EPC2: variants seen among roughly 807,000 people sequenced by gnomAD.
EPC2 encodes the protein enhancer of polycomb homolog 2.
Under a neutral mutation model 92.1 loss-of-function variants are expected in EPC2, and 14 were observed. The observed-to-expected ratio is 0.15, with a 90% CI of 0.10 to 0.24. EPC2 has a LOEUF of 0.24. EPC2 is among the 10% of genes least tolerant of loss of function. The pLI, the probability that EPC2 is intolerant of heterozygous loss-of-function variation, is 1.00. For missense variants in EPC2, 755 were observed against 971.5 expected (o/e 0.78, Z 2.96); for synonymous variants, 340 against 334.7 (o/e 1.02, Z -0.17).
intron 2 of EPC2, among the ~76,000 whole-genome samples, chr2:148,734,540 T>C (rs1303009376): frequency 6.6e-6 from 1 of 152,166 alleles, no homozygotes; most frequent in African/African-American, 2.4e-5. Flanking sequence ...AATTAGAGGA[T>C]AGTCTTGATC....
At chr2:148,701,615 G>C (rs1485701602) in intron 2 of EPC2, among the ~76,000 whole-genome samples, 1 of 152,008 alleles carries the variant, frequency 6.6e-6, no homozygotes, top group Non-Finnish European at 1.5e-5. Context: ...TTATATGTTG[G>C]ATTCAGCTTG....
Position 148,644,794 on chromosome 2 carries a change from G to A in EPC2, c.-224G>A, listed in dbSNP as rs1241180287. Reference sequence around the variant, plus strand: ...GGCCATGGCGCAGGGAGCGGATCGGGCGGGCGAGCGGCGGATCTAGTGTGT... The same window carrying A: ...GGCCATGGCGCAGGGAGCGGATCGGACGGGCGAGCGGCGGATCTAGTGTGT... On this transcript the variant is annotated 5_prime_UTR_variant, in exon 1 of 14. Coordinates refer to ENST00000258484, the MANE Select transcript of EPC2 (RefSeq NM_015630.4). Among the ~76,000 whole-genome samples the A allele has an allele frequency of 2.6e-5, 4 of 151,130 alleles. No homozygotes were observed. The highest frequency in any genetic ancestry group is 5.9e-5 in the Non-Finnish European group (4 of 67,694).
rs1350562490 is a variant in EPC2, at chr2:148,762,766, T to C, written c.912T>C (p.Asn304=). 4.3e-6 allele frequency: 7 copies of C among 1,609,354 alleles called. No individual in the cohort carries two copies. Among genetic ancestry groups the C allele is most frequent in the Non-Finnish European group, 5.1e-6 (6 of 1,178,570 alleles). ...ELYATPATLH[N]GNHHKVQECK... is the part of the protein sequence containing the mutation. ...ATGCCACTCCAGCAACTCTTCATAA[T>C]GGAAATCATCACAAAGTTCAAGAAT... The change falls in exon 6 of 14, where the codon AAT becomes AAC. Residue 304 remains asparagine, a synonymous_variant. Transcript: ENST00000258484.
rs913768780 is a variant in EPC2 at position 148,747,751 on chromosome 2, C to A, written c.459+3984C>A. On this transcript the variant is annotated intron_variant, in intron 3 of 13. Coordinates refer to ENST00000258484, the MANE Select transcript of EPC2 (RefSeq NM_015630.4). ...TTTCCTGATTATTGTCTTCTTTCTT[C>A]ATCTCCTCTTTATCTTCAGTGTTGA... Among the ~76,000 whole-genome samples the A allele has an allele frequency of 4.3e-4, 66 of 152,064 alleles. 1 individual carries two copies. The highest frequency in any genetic ancestry group is 1.4e-3 in the African/African-American group (60 of 41,408).
intron 2 of EPC2, among the ~76,000 whole-genome samples, chr2:148,729,780 G>C (rs377535469): frequency 6.6e-4 from 101 of 152,282 alleles, no homozygotes; most frequent in African/African-American, 2.3e-3. Flanking sequence ...CCTAGATGCT[G>C]TCATTAGGCT....
At chr2:148,690,971 C>T (rs1366362280) in intron 2 of EPC2, among the ~76,000 whole-genome samples, 1 of 152,126 alleles carries the variant, frequency 6.6e-6, no homozygotes, top group Non-Finnish European at 1.5e-5. Flanking sequence ...CTGAGATTTA[C>T]TTTTAAAGGT....
intron 1 of EPC2, among the ~76,000 whole-genome samples, chr2:148,678,912 A>T (rs886306102): frequency 1.3e-5 from 2 of 152,244 alleles, no homozygotes; most frequent in African/African-American, 4.8e-5. Flanking sequence ...GCCAAGAGCG[A>T]GCGAGGGCTG....
At chr2:148,667,400 T>A (rs1681076136) in intron 1 of EPC2, among the ~76,000 whole-genome samples, 1 of 152,314 alleles carries the variant, frequency 6.6e-6, no homozygotes, top group East Asian at 1.9e-4. Flanking sequence ...CTGGAATCTG[T>A]TTTTTCACTT....
intron 2 of EPC2, among the ~76,000 whole-genome samples, chr2:148,704,085 T>G (rs1168456331): frequency 3.3e-5 from 5 of 152,220 alleles, no homozygotes; most frequent in African/African-American, 1.2e-4. Context: ...CTCAAAGAGA[T>G]ATTTGTGTAC....
chr2:148,689,503 A>G (rs1416869364), intron 1 of EPC2, among the ~76,000 whole-genome samples: 2 of 152,102 alleles, frequency 1.3e-5, no homozygotes, highest in East Asian at 3.9e-4. Context: ...CTTTACTCTG[A>G]ATAGGATGGA....
intron 1 of EPC2, among the ~76,000 whole-genome samples, chr2:148,665,628 T>C (rs191867702): frequency 6.6e-6 from 1 of 152,314 alleles, no homozygotes; most frequent in East Asian, 1.9e-4. Context: ...ATTCAAATAT[T>C]CTAGAATTAT....
intron 2 of EPC2, among the ~76,000 whole-genome samples, chr2:148,728,425 C>T (rs910622364): frequency 2.7e-5 from 4 of 150,690 alleles, no homozygotes; most frequent in Admixed American, 2.0e-4. Context: ...TGGGTGTGCT[C>T]GTTTATTATC....
intron 2 of EPC2, among the ~76,000 whole-genome samples, chr2:148,699,291 G>C (rs1035194780): frequency 6.6e-6 from 1 of 152,124 alleles, no homozygotes; most frequent in Non-Finnish European, 1.5e-5. Flanking sequence ...ATTTCTTACA[G>C]CTAATGATGT....
chr2:148,758,062 G>A (rs998892017), intron 4 of EPC2, among the ~76,000 whole-genome samples: 2 of 148,638 alleles, frequency 1.3e-5, no homozygotes, highest in Admixed American at 7.0e-5. Flanking sequence ...GCTTGAAAGG[G>A]GACTCCACTG....
intron 1 of EPC2, among the ~76,000 whole-genome samples, chr2:148,648,382 C>T (rs892276814): frequency 2.0e-5 from 3 of 152,198 alleles, no homozygotes; most frequent in African/African-American, 4.8e-5. Context: ...ATAAATATTT[C>T]TAAGCAGCAG....
At chr2:148,743,324 A>T (rs550500146) in intron 2 of EPC2, among the ~76,000 whole-genome samples, 14 of 152,244 alleles carry the variant, frequency 9.2e-5, no homozygotes, top group African/African-American at 2.2e-4. Context: ...TATGCCACCA[A>T]ACTACCATGT....
chr2:148,688,138 T>C (rs1473934095), intron 1 of EPC2, among the ~76,000 whole-genome samples: 2 of 152,216 alleles, frequency 1.3e-5, no homozygotes, highest in African/African-American at 2.4e-5. Flanking sequence ...GAATTTTGGC[T>C]TTGCAAGACT....
At chr2:148,754,748 G>A (rs1285206033) in intron 4 of EPC2, among the ~76,000 whole-genome samples, 7 of 152,096 alleles carry the variant, frequency 4.6e-5, no homozygotes, top group Non-Finnish European at 5.9e-5. Flanking sequence ...AGTTGTGTTC[G>A]ATTTCAAATT....
intron 2 of EPC2, among the ~76,000 whole-genome samples, chr2:148,699,579 C>T (rs1681832723): frequency 1.3e-5 from 2 of 152,128 alleles, no homozygotes; most frequent in South Asian, 4.1e-4. Context: ...CTTGATAGCT[C>T]ATTTCTTTTT....
Sources: gnomAD v4.1 joint callset for allele counts (sites outside exome capture counted in the v4.1 genomes callset) on GRCh38, gnomAD v4.1.1 for gene constraint, MANE v1.5 for transcripts, NCBI Gene and HGNC (gene_info 2026-07-23, HGNC 2026-07-21) for gene names.